The following CFAP57 variants were observed in gnomAD, a reference collection of about 807,000 sequenced individuals.
The protein encoded by CFAP57 is cilia- and flagella-associated protein 57.
CFAP57 carries 116 observed loss-of-function variants against 146.8 expected under a neutral mutation model. That is an observed-to-expected ratio of 0.79 (90% CI 0.68 to 0.92). The LOEUF (loss-of-function observed/expected upper bound fraction) is 0.92. Ranked by LOEUF, CFAP57 falls within the 40% of genes least tolerant of loss-of-function variation. The pLI is 0.00. For synonymous variants in CFAP57, 518 were observed against 552.8 expected (o/e 0.94, Z 0.88); for missense variants, 1,377 against 1,527.2 (o/e 0.90, Z 1.64).
At chr1:43,189,707 A>G (rs931591050) in intron 6 of CFAP57, among the ~76,000 whole-genome samples, 15 of 152,212 alleles carry the variant, frequency 9.9e-5, no homozygotes, top group Non-Finnish European at 1.9e-4. Flanking sequence ...AGGAAGTTTA[A>G]TTGGCTCATG....
At chr1:43,242,968 CATT>C (rs924479190) in intron 21 of CFAP57, among the ~76,000 whole-genome samples, 14 of 151,988 alleles carry the variant, frequency 9.2e-5, no homozygotes, top group South Asian at 2.1e-4. Flanking sequence ...CATGGAAAAG[CATT>C]GTTGTTGCTG....
At position 43,232,937 on chromosome 1, in the gene CFAP57, C is replaced by A. The variant is rs540252479; in HGVS notation, c.3126+313C>A. 8.5e-5 allele frequency among the ~76,000 whole-genome samples: 13 copies of A among 152,312 alleles called. No homozygotes were observed. The South Asian group carries it at 2.7e-3, about 32-fold the overall frequency. On this transcript the variant is annotated intron_variant, in intron 19 of 22. Transcript: ENST00000372492. Reference sequence around the variant, plus strand: ...ACGTGCTCAGAGAGGCAATTTGTCGCCGCTGGTTTAAGGCTTTGATGACCG... The same window carrying A: ...ACGTGCTCAGAGAGGCAATTTGTCGACGCTGGTTTAAGGCTTTGATGACCG...
intron 2 of CFAP57, among the ~76,000 whole-genome samples, chr1:43,174,479 C>T (rs1198199256): frequency 6.6e-6 from 1 of 152,178 alleles, no homozygotes; most frequent in Non-Finnish European, 1.5e-5. Context: ...CTTGTGTTAC[C>T]TGTGCTGGTA....
chr1:43,174,246 G>A (rs762836882), intron 2 of CFAP57, among the ~76,000 whole-genome samples: 3 of 152,026 alleles, frequency 2.0e-5, no homozygotes, highest in Non-Finnish European at 2.9e-5. Flanking sequence ...AGTATCTTTT[G>A]ATGGACAAAA....
intron 11 of CFAP57, 25 bp from the exon 12 acceptor site, chr1:43,215,230 T>C (rs1644788435): frequency 1.3e-6 from 2 of 1,550,926 alleles, no homozygotes; most frequent in Non-Finnish European, 1.7e-6. Flanking sequence ...GAAAGCTTCC[T>C]GGCCATGACC....
At chr1:43,182,002 C>A in intron 3 of CFAP57, 152 bp downstream of exon 3, 1 of 912,670 alleles carries the variant, frequency 1.1e-6, no homozygotes, top group Non-Finnish European at 1.7e-6. Context: ...ATCATTATCC[C>A]CATTTTACAG....
intron 18 of CFAP57, 37 bp downstream of exon 18, chr1:43,227,163 C>T (rs1645277690): frequency 2.0e-6 from 3 of 1,475,996 alleles, no homozygotes; most frequent in Admixed American, 2.6e-5. Context: ...CCTCTCAGAC[C>T]CTCTGTCTCT....
intron 21 of CFAP57, among the ~76,000 whole-genome samples, chr1:43,242,668 A>G (rs921355162): frequency 6.6e-6 from 1 of 152,220 alleles, no homozygotes; most frequent in African/African-American, 2.4e-5. Flanking sequence ...TGAATGAAAA[A>G]TGAATGAAGT....
rs139273276 is a variant in CFAP57 at position 43,220,457 on chromosome 1, G to T, written c.2248-915G>T. Among the ~76,000 whole-genome samples the T allele has an allele frequency of 1.8e-3, 268 of 152,252 alleles. 1 individual carries two copies. The highest frequency in any genetic ancestry group is 5.9e-3 in the African/African-American group (247 of 41,532). On this transcript the variant is annotated intron_variant, in intron 13 of 22. Coordinates refer to ENST00000372492, the MANE Select transcript of CFAP57 (RefSeq NM_001378189.1). ...TCTAAAATCCCCACTGGGCAAGGTG[G>T]CTCACCCCTATAATCCTAACACTTT...
Position 43,191,000 on chromosome 1 carries a change from C to T in CFAP57, c.1122+4141C>T, listed in dbSNP as rs145601986. 3.2e-4 allele frequency among the ~76,000 whole-genome samples: 49 copies of T among 152,204 alleles called. No individual in the cohort carries two copies. The East Asian group carries it at 8.5e-3, about 26-fold the overall frequency. Reference sequence around the variant, plus strand: ...TCATAGAATGAGTTGGGAAGTGTTCCAGCCTCTTCTAATTTTTTGAAGGTT... The same window carrying T: ...TCATAGAATGAGTTGGGAAGTGTTCTAGCCTCTTCTAATTTTTTGAAGGTT... On this transcript the variant is annotated intron_variant, in intron 6 of 22. Coordinates refer to ENST00000372492, the MANE Select transcript of CFAP57 (RefSeq NM_001378189.1).
Position 43,206,950 on chromosome 1 carries a change from C to T in CFAP57, c.1755+18C>T. 6.2e-7 allele frequency: 1 copy of T among 1,611,534 alleles called. No individual in the cohort carries two copies. Among genetic ancestry groups the T allele is most frequent in the Non-Finnish European group, 8.5e-7 (1 of 1,179,038 alleles). On this transcript the variant is annotated intron_variant, in intron 10 of 22. Coordinates refer to ENST00000372492, the MANE Select transcript of CFAP57 (RefSeq NM_001378189.1). ...ATTCCTTGGTGAGTCTGCCCCTGCC[C>T]CGCCTCTGGGCTGGTGCACGGATCT...
chr1:43,245,295 C>T (rs1646073662), intron 22 of CFAP57, among the ~76,000 whole-genome samples: 1 of 150,406 alleles, frequency 6.6e-6, no homozygotes, highest in Admixed American at 6.6e-5. Context: ...CCACTACACT[C>T]CAGTCTAGGT....
rs375902406 is a variant in CFAP57 at position 43,172,350 on chromosome 1, A to C, written c.-123A>C. 14 of 1,551,544 alleles carry C rather than the reference A, an allele frequency of 9.0e-6. 1 individual carries two copies. In the South Asian group the frequency reaches 1.5e-4, roughly 17 times the overall value. ...ACCATACTTCCGGTTTGTCGTTGCT[A>C]TAGGAACCGCTACGGCGTTTGAAAG... On this transcript the variant is annotated 5_prime_UTR_variant, in exon 1 of 23. Coordinates refer to ENST00000372492, the MANE Select transcript of CFAP57 (RefSeq NM_001378189.1).
At chr1:43,248,735 A>G (rs1397391838) in intron 22 of CFAP57, among the ~76,000 whole-genome samples, 3 of 152,176 alleles carry the variant, frequency 2.0e-5, no homozygotes, top group African/African-American at 7.2e-5. Flanking sequence ...ACAGAATTAT[A>G]TATTAACTAT....
rs1432313505 is a variant in CFAP57, at chr1:43,234,424, C to T, written c.3261+11C>T. ...CAGCGAGCAGACATGGTAAGCTCAG[C>T]CTCCCCTCCTGCCATGCACTGACCT... is the stretch of plus-strand genomic sequence containing the variant. On this transcript the variant is annotated intron_variant, in intron 20 of 22. Transcript: ENST00000372492. 1.3e-6 allele frequency: 2 copies of T among 1,545,362 alleles called. No homozygotes were observed. Among genetic ancestry groups the T allele is most frequent in the Non-Finnish European group, 1.7e-6 (2 of 1,144,274 alleles).
At chr1:43,203,256 C>T (rs1644211136) in intron 9 of CFAP57, among the ~76,000 whole-genome samples, 1 of 151,888 alleles carries the variant, frequency 6.6e-6, no homozygotes, top group Admixed American at 6.6e-5. Context: ...CAGATCTTAT[C>T]ACTGGGGAAT....
chr1:43,207,253 C>T (rs996934082), intron 10 of CFAP57, among the ~76,000 whole-genome samples: 1 of 152,228 alleles, frequency 6.6e-6, no homozygotes, highest in African/African-American at 2.4e-5. Context: ...TACTCTTACC[C>T]TTGGTCTGCA....
At chr1:43,177,350 G>C in intron 2 of CFAP57, 9 of 384,184 alleles carry the variant, frequency 2.3e-5, no homozygotes, top group South Asian at 1.8e-4. Context: ...TTTTGGGCCT[G>C]AGCATGGAAA....
chr1:43,227,751 C>T (rs760246747), intron 18 of CFAP57, among the ~76,000 whole-genome samples: 7 of 152,146 alleles, frequency 4.6e-5, no homozygotes, highest in Non-Finnish European at 7.3e-5. Flanking sequence ...GTGTGTTGCC[C>T]CATCAGCCTC....
Sources: allele counts gnomAD v4.1 joint callset (sites outside exome capture counted in the v4.1 genomes callset), GRCh38; gene constraint gnomAD v4.1.1; transcripts MANE v1.5; gene names NCBI Gene and HGNC (gene_info 2026-07-23, HGNC 2026-07-21).